The following ADD1 variants were observed in gnomAD, a reference collection of about 807,000 sequenced individuals.
ADD1 encodes adducin 1.
Under a neutral mutation model 80.5 loss-of-function variants are expected in ADD1, and 24 were observed. The ratio of observed to expected loss-of-function variants is 0.30; its 90% CI spans 0.22 to 0.42. The LOEUF (loss-of-function observed/expected upper bound fraction) is 0.42. Ranked by LOEUF, ADD1 falls within the 10% of genes least tolerant of loss-of-function variation. The pLI is 1.00. For synonymous variants in ADD1, 373 were observed against 393.8 expected (o/e 0.95, Z 0.63); for missense variants, 948 against 1,019.0 (o/e 0.93, Z 0.95).
chr4:2,892,856 A>G (rs565776990), intron 4 of ADD1, among the ~76,000 whole-genome samples: 86 of 151,910 alleles, frequency 5.7e-4, no homozygotes, highest in Admixed American at 5.1e-3. Flanking sequence ...AAAAACAAAA[A>G]AAAAAACAGA....
chr4:2,908,598 C>T lies in ADD1; in HGVS notation c.1692C>T (p.Leu564=), dbSNP rs1030652500. ...GTGGTGTAGTGATGGACAGGAGCCTCGTCCAGGTGAGAGCCCAGAGTGTCT... is the reference window on the plus strand; with the variant it reads ...GTGGTGTAGTGATGGACAGGAGCCTTGTCCAGGTGAGAGCCCAGAGTGTCT... ...VLCGVVMDRS[L]VQDAPLSDCT... The change falls in exon 12 of 16, where the codon CTC becomes CTT. Residue 564 remains leucine, a synonymous_variant. Coordinates refer to ENST00000683351, the MANE Select transcript of ADD1 (RefSeq NM_001354761.2). The T allele has an allele frequency of 6.2e-6, 10 of 1,613,880 alleles. No homozygotes were observed. Among genetic ancestry groups the T allele is most frequent in the Admixed American group, 3.3e-5 (2 of 60,008 alleles).
intron 4 of ADD1, among the ~76,000 whole-genome samples, 174 bp from the exon 5 acceptor site, chr4:2,893,839 A>G (rs997215383): frequency 6.6e-6 from 1 of 152,190 alleles, no homozygotes; most frequent in African/African-American, 2.4e-5. Flanking sequence ...AAATTAGTAC[A>G]GTAGAATAAT....
chr4:2,905,170 T>C, intron 10 of ADD1, 62 bp downstream of exon 10: 1 of 1,534,814 alleles, frequency 6.5e-7, no homozygotes, highest in Admixed American at 1.7e-5. Context: ...AGCTGGGGCT[T>C]CGGAGGCTTT....
intron 6 of ADD1, among the ~76,000 whole-genome samples, chr4:2,896,721 C>T (rs1053939241): frequency 3.9e-5 from 6 of 152,040 alleles, no homozygotes; most frequent in Non-Finnish European, 7.4e-5. Context: ...TTAAAGGTAC[C>T]TTTGACAGTA....
intron 15 of ADD1, among the ~76,000 whole-genome samples, chr4:2,927,184 G>A (rs940299635): frequency 1.2e-4 from 19 of 152,206 alleles, no homozygotes; most frequent in Admixed American, 9.8e-4. Flanking sequence ...GGCAGCCTCC[G>A]TCCTAGCATC....
intron 4 of ADD1, among the ~76,000 whole-genome samples, chr4:2,891,359 A>G (rs1291358047): frequency 6.6e-6 from 1 of 152,148 alleles, no homozygotes; most frequent in Non-Finnish European, 1.5e-5. Context: ...AGGCAGGAGA[A>G]TCGCTTGAAC....
intron 1 of ADD1, among the ~76,000 whole-genome samples, chr4:2,852,136 T>TC (rs1167513186): frequency 8.7e-5 from 13 of 148,678 alleles, no homozygotes; most frequent in East Asian, 4.0e-4. Context: ...GCACCCGGCC[T>TC]CTTTTCTTTC....
At chr4:2,885,182 A>G (rs1012714906) in intron 4 of ADD1, among the ~76,000 whole-genome samples, 1 of 152,112 alleles carries the variant, frequency 6.6e-6, no homozygotes, top group Admixed American at 6.6e-5. Flanking sequence ...ATCCCAATCC[A>G]TTAGCCTATT....
chr4:2,917,791 A>G lies in ADD1; in HGVS notation c.1948+2751A>G, dbSNP rs1214175728. ...TTATTAAATAGGGAATCCTTTTCCC[A>G]TTCCTTGTTTTTGTCCAGTTTGTCA... On this transcript the variant is annotated intron_variant, in intron 14 of 15. Coordinates refer to ENST00000683351, the MANE Select transcript of ADD1 (RefSeq NM_001354761.2). Among the ~76,000 whole-genome samples, 4 of 152,192 alleles carry G rather than the reference A, an allele frequency of 2.6e-5. No individual in the cohort carries two copies. The East Asian group carries it at 7.7e-4, about 29-fold the overall frequency.
At chr4:2,918,317 T>A (rs1402299333) in intron 14 of ADD1, among the ~76,000 whole-genome samples, 3 of 152,218 alleles carry the variant, frequency 2.0e-5, no homozygotes, top group African/African-American at 4.8e-5. Flanking sequence ...TGACTCTTTG[T>A]CAATTATTGG....
rs780340859 is a variant in ADD1 at position 2,928,227 on chromosome 4, A to G, written c.2104A>G (p.Thr702Ala). 4.3e-6 allele frequency: 7 copies of G among 1,612,948 alleles called. No homozygotes were observed. The highest frequency in any genetic ancestry group is 2.2e-5 in the South Asian group (2 of 91,016). Residue 702 changes from threonine (T) to alanine (A), a missense_variant, in exon 16 of 16, where the codon ACT (threonine) becomes GCT (alanine). Thr to Ala is a moderately conservative substitution (Grantham distance 58, BLOSUM62 0). Transcript: ENST00000683351. ...DDSDAATFKPTLPDLSPDEPS... is the reference protein window; with the variant it reads ...DDSDAATFKPALPDLSPDEPS... ...CAGTGATGCTGCCACCTTTAAGCCA[A>G]CTCTCCCCGATCTGTCCCCTGATGA...
Position 2,926,552 on chromosome 4 carries a change from G to A in ADD1, c.2047+440G>A. On this transcript the variant is annotated intron_variant, in intron 15 of 15. Transcript: ENST00000683351. This position sits in a 1 kb window ranked among gnomAD's most constrained non-coding sequence, Gnocchi z 5.0. ...TGTCTCTCGTGAAGCCCGTGGCCCT[G>A]CCTTTCTTCTTCTGTAACCTGATGG... The A allele has an allele frequency of 6.9e-7, 1 of 1,457,098 alleles. No individual in the cohort carries two copies. Among genetic ancestry groups the A allele is most frequent in the East Asian group, 2.4e-5 (1 of 42,320 alleles). 90.3% of individuals were successfully genotyped at this position (1,457,098 alleles called of 1,614,324 possible). A position where few individuals can be genotyped will look rare whatever the true frequency, so the allele number is the denominator to read the frequency against.
At position 2,884,777 on chromosome 4, in the gene ADD1, G is replaced by C. The variant is rs1390722256; in HGVS notation, c.510+111G>C. The C allele has an allele frequency of 4.7e-6, 6 of 1,264,570 alleles. No homozygotes were observed. The Admixed American group carries it at 1.5e-4, about 31-fold the overall frequency. The allele number at this position is 1,264,570 out of a possible 1,614,324, so 78.3% of individuals were successfully genotyped here. On this transcript the variant is annotated intron_variant, in intron 4 of 15. Transcript: ENST00000683351. Reference sequence around the variant, plus strand: ...AGCAGGCTGAGCTTCAGTAAGTCTTGGAATACCTCTTCTGATTCCTGACTA... The same window carrying C: ...AGCAGGCTGAGCTTCAGTAAGTCTTCGAATACCTCTTCTGATTCCTGACTA...
chr4:2,883,492 T>C (rs552860471), intron 3 of ADD1, among the ~76,000 whole-genome samples: 2 of 152,088 alleles, frequency 1.3e-5, no homozygotes, highest in African/African-American at 4.8e-5. Flanking sequence ...TCTTCTTTAG[T>C]TTGTTATGGT....
intron 1 of ADD1, among the ~76,000 whole-genome samples, chr4:2,850,570 C>T (rs940584418): frequency 1.4e-4 from 21 of 151,990 alleles, no homozygotes; most frequent in Admixed American, 1.2e-3. Flanking sequence ...GGACTACAGG[C>T]GCCTGCCACC....
chr4:2,885,738 T>G (rs1332256232), intron 4 of ADD1, among the ~76,000 whole-genome samples: 1 of 151,762 alleles, frequency 6.6e-6, no homozygotes, highest in Non-Finnish European at 1.5e-5. Flanking sequence ...GCCTCCCGAG[T>G]AGCTGGGACT....
chr4:2,922,239 C>G (rs1435671218), intron 14 of ADD1, among the ~76,000 whole-genome samples: 1 of 151,440 alleles, frequency 6.6e-6, no homozygotes, highest in East Asian at 1.9e-4. Context: ...AAATTTCAGC[C>G]TTTTTGCACT....
intron 13 of ADD1, among the ~76,000 whole-genome samples, chr4:2,913,177 TTAC>T (rs1337538848): frequency 6.6e-6 from 1 of 152,244 alleles, no homozygotes; most frequent in Non-Finnish European, 1.5e-5. Context: ...TTTGATTCCT[TTAC>T]TAATTTTAAC....
chr4:2,896,445 G>A (rs1735243079), intron 6 of ADD1, among the ~76,000 whole-genome samples: 1 of 151,916 alleles, frequency 6.6e-6, no homozygotes, highest in Non-Finnish European at 1.5e-5. Context: ...CTGACCTCAA[G>A]TGATCTGCCC....
Sources: allele counts gnomAD v4.1 joint callset (sites outside exome capture counted in the v4.1 genomes callset), GRCh38; gene constraint gnomAD v4.1.1; non-coding constraint Gnocchi (gnomAD v3.1); transcripts MANE v1.5; gene names NCBI Gene and HGNC (gene_info 2026-07-23, HGNC 2026-07-21).